The following FOLH1 variants were observed in gnomAD, a reference collection of about 807,000 sequenced individuals.
FOLH1 encodes folate hydrolase 1, also known as glutamate carboxypeptidase 2.
FOLH1 carries 54 observed loss-of-function variants against 93.9 expected under a neutral mutation model. That is an observed-to-expected ratio of 0.57 (90% CI 0.46 to 0.72). FOLH1 has a LOEUF of 0.72. FOLH1 is among the 30% of genes least tolerant of loss of function. The pLI, the probability that FOLH1 is intolerant of heterozygous loss-of-function variation, is 0.00. For missense variants in FOLH1, 571 were observed against 892.5 expected (o/e 0.64, Z 4.59); for synonymous variants, 249 against 303.6 (o/e 0.82, Z 1.87).
rs192140551 is a variant in FOLH1, at chr11:49,181,893, G to C, written c.920+1256C>G. 2.1e-3 allele frequency among the ~76,000 whole-genome samples: 319 copies of C among 152,028 alleles called. 1 individual carries two copies. Among genetic ancestry groups the C allele is most frequent in the Middle Eastern group, 3.4e-3 (1 of 294 alleles). ...CTCTAAAAATGAGTGCCTTGCCCTT[G>C]GTCAAAAAGTGCTTCCTCATAGATA... is the stretch of plus-strand genomic sequence containing the variant. On this transcript the variant is annotated intron_variant, in intron 7 of 18. Transcript: ENST00000256999.
intron 3 of FOLH1, among the ~76,000 whole-genome samples, chr11:49,198,777 CT>C (rs1337012575): frequency 1.1e-3 from 151 of 139,368 alleles, no homozygotes; most frequent in Middle Eastern, 3.8e-3. Context: ...GTTTGTTTTT[CT>C]TTTTTTTTTT....
At chr11:49,166,025 T>G (rs1858358596) in intron 12 of FOLH1, among the ~76,000 whole-genome samples, 1 of 152,076 alleles carries the variant, frequency 6.6e-6, no homozygotes, top group African/African-American at 2.4e-5. Flanking sequence ...AGCATGCAAA[T>G]AAAATAATAT....
At chr11:49,164,854 AC>A in intron 12 of FOLH1, 82 bp from the exon 13 acceptor site, 2 of 1,075,768 alleles carry the variant, frequency 1.9e-6, no homozygotes, top group Non-Finnish European at 2.7e-6. Flanking sequence ...CTAAATTCCT[AC>A]CAGAATGATT....
At chr11:49,154,042 G>A (rs970367885) in intron 16 of FOLH1, 115 bp from the exon 17 acceptor site, 33 of 1,312,648 alleles carry the variant, frequency 2.5e-5, no homozygotes, top group Admixed American at 2.5e-4. Flanking sequence ...GTTTTACAAG[G>A]TATTTATATT....
At chr11:49,152,114 A>G (rs1189718465) in intron 17 of FOLH1, among the ~76,000 whole-genome samples, 2 of 152,094 alleles carry the variant, frequency 1.3e-5, no homozygotes, top group Non-Finnish European at 2.9e-5. Flanking sequence ...TGTATTTCTA[A>G]TAATCCATTG....
chr11:49,195,371 A>G (rs1308713117), intron 3 of FOLH1, among the ~76,000 whole-genome samples: 1 of 152,168 alleles, frequency 6.6e-6, no homozygotes, highest in Non-Finnish European at 1.5e-5. Flanking sequence ...TGATAATTAA[A>G]CTACTCCTAA....
At chr11:49,174,865 T>A in intron 9 of FOLH1, 27 bp downstream of exon 9, 2 of 1,557,516 alleles carry the variant, frequency 1.3e-6, no homozygotes, top group East Asian at 4.5e-5. Flanking sequence ...ACTTGATCAA[T>A]ATTTGCTAAG....
At chr11:49,151,621 C>T (rs1212481102) in intron 17 of FOLH1, among the ~76,000 whole-genome samples, 2 of 152,150 alleles carry the variant, frequency 1.3e-5, no homozygotes, top group Admixed American at 1.3e-4. Flanking sequence ...CAAAGCACTG[C>T]TCAGGTGTTT....
At chr11:49,162,791 T>C (rs1263734146) in intron 13 of FOLH1, 1 of 143,722 alleles carries the variant, frequency 7.0e-6, no homozygotes. Flanking sequence ...TTTTCTTTTC[T>C]TTTTTTTTTT....
chr11:49,208,281 C>G lies in FOLH1; in HGVS notation c.118+11G>C, dbSNP rs79122681. The stretch of plus-strand genomic sequence containing the variant: ...AGACTCCGAGGTTTGCTCCGCGAGG[C>G]GCCCCCCTACCGAAGAGGAAGCCGA... On this transcript the variant is annotated intron_variant, in intron 1 of 18. Transcript: ENST00000256999. The G allele has an allele frequency of 0.098, 148,419 of 1,521,328 alleles. 8,547 individuals are homozygous for G. The highest frequency in any genetic ancestry group is 0.21 in the South Asian group (17,348 of 82,598). 94.2% of individuals were successfully genotyped at this position (1,521,328 alleles called of 1,614,324 possible). A position where few individuals can be genotyped will look rare whatever the true frequency, so the allele number is the denominator to read the frequency against.
In FOLH1 at chr11:49,145,741, A is replaced by G. The variant is rs1209446868; in HGVS notation, c.*1015T>C. 6.6e-6 allele frequency among the ~76,000 whole-genome samples: 1 copy of G among 152,152 alleles called. No homozygotes were observed. Among genetic ancestry groups the G allele is most frequent in the African/African-American group, 2.4e-5 (1 of 41,442 alleles). ...ATATTCTTGAGACTTCTCTTTACAT[A>G]TTACTAGACAATATTTCATTGTTCC... On this transcript the variant is annotated 3_prime_UTR_variant, in exon 19 of 19. Coordinates refer to ENST00000256999, the MANE Select transcript of FOLH1 (RefSeq NM_004476.3).
At chr11:49,185,601 G>A in intron 6 of FOLH1, 68 bp downstream of exon 6, 2 of 1,589,542 alleles carry the variant, frequency 1.3e-6, no homozygotes, top group Non-Finnish European at 8.6e-7. Context: ...TTGTACCAAA[G>A]GAAATTCTTT....
chr11:49,159,645 G>T (rs1050847020), intron 13 of FOLH1, among the ~76,000 whole-genome samples: 4 of 152,128 alleles, frequency 2.6e-5, no homozygotes, highest in Non-Finnish European at 5.9e-5. Context: ...TGGCCTCATA[G>T]AATTAGTTAG....
intron 17 of FOLH1, 70 bp downstream of exon 17, chr11:49,153,776 T>C (rs1030292837): frequency 6.4e-5 from 67 of 1,046,112 alleles, no homozygotes; most frequent in Non-Finnish European, 8.5e-5. Flanking sequence ...GCAACAGTCA[T>C]GTTAGTTTAC....
chr11:49,185,894 G>A, intron 5 of FOLH1, 39 bp from the exon 6 acceptor site: 1 of 1,499,514 alleles, frequency 6.7e-7, no homozygotes, highest in East Asian at 2.4e-5. Context: ...ATTTTAAATT[G>A]GTTGTTCCAG....
chr11:49,197,798 C>T (rs1862778166), intron 3 of FOLH1, among the ~76,000 whole-genome samples: 1 of 151,808 alleles, frequency 6.6e-6, no homozygotes. Flanking sequence ...ATAATGCCTG[C>T]ATCTGAAATA....
At chr11:49,171,460 T>G (rs1029770898) in intron 10 of FOLH1, among the ~76,000 whole-genome samples, 183 bp from the exon 11 acceptor site, 1 of 151,718 alleles carries the variant, frequency 6.6e-6, no homozygotes, top group African/African-American at 2.4e-5. Context: ...CAATACAAAA[T>G]AGCACAATTA....
At chr11:49,149,384 T>C (rs1335534011) in intron 17 of FOLH1, among the ~76,000 whole-genome samples, 1 of 152,124 alleles carries the variant, frequency 6.6e-6, no homozygotes, top group Non-Finnish European at 1.5e-5. Flanking sequence ...GCTGTGTATG[T>C]GGAATCTGAA....
At chr11:49,172,093 G>A (rs1859389184) in intron 10 of FOLH1, among the ~76,000 whole-genome samples, 1 of 152,012 alleles carries the variant, frequency 6.6e-6, no homozygotes, top group Non-Finnish European at 1.5e-5. Context: ...TTAAGAATGT[G>A]TATACTATAG....
Sources: gnomAD v4.1 joint callset for allele counts (sites outside exome capture counted in the v4.1 genomes callset) on GRCh38, gnomAD v4.1.1 for gene constraint, MANE v1.5 for transcripts, NCBI Gene and HGNC (gene_info 2026-07-23, HGNC 2026-07-21) for gene names.